SPINK5: variants seen among roughly 807,000 people sequenced by gnomAD.
SPINK5 encodes the protein serine protease inhibitor Kazal-type 5.
A neutral mutation model predicts 151.8 loss-of-function variants in SPINK5; 125 were observed. The observed-to-expected ratio is 0.82, with a 90% CI of 0.71 to 0.96. SPINK5 has a LOEUF of 0.96. Among genes scored for constraint, SPINK5 ranks in the 40% least tolerant of loss-of-function variants. SPINK5 has a pLI of 0.00. For missense variants in SPINK5, 1,194 were observed against 1,291.9 expected (o/e 0.92, Z 1.16); for synonymous variants, 374 against 395.3 (o/e 0.95, Z 0.64).
At chr5:148,088,939 C>T (rs566937474) in intron 6 of SPINK5, 1 of 479,160 alleles carries the variant, frequency 2.1e-6, no homozygotes, top group African/African-American at 2.0e-5. Context: ...AGCAGTGTCA[C>T]TTGCTGTTTG....
Position 148,137,198 on chromosome 5 carries a change from T to C in SPINK5, c.*207T>C, listed in dbSNP as rs1170717924. On this transcript the variant is annotated 3_prime_UTR_variant, in exon 33 of 33. Transcript: ENST00000256084. ...TCTGTGATCTGAGGGTATAAAGACA[T>C]CTCCACCAAGTCTGAGCCCTCAAAA... 1 of 657,520 alleles carries C rather than the reference T, an allele frequency of 1.5e-6. No individual in the cohort carries two copies. The highest frequency in any genetic ancestry group is 2.6e-6 in the Non-Finnish European group (1 of 379,880). The allele number at this position is 657,520 out of a possible 1,614,324, so 40.7% of individuals were successfully genotyped here.
In SPINK5 at chr5:148,086,436, G is replaced by A. The variant is rs1204232528; in HGVS notation, c.314G>A (p.Arg105Lys). The A allele has an allele frequency of 6.2e-7, 1 of 1,611,642 alleles. No individual in the cohort carries two copies. The highest frequency in any genetic ancestry group is 8.5e-7 in the Non-Finnish European group (1 of 1,178,626). Reference protein sequence around the residue: ...LNCDDFKKGERDGDFICPDYY... With the variant: ...LNCDDFKKGEKDGDFICPDYY... ...TGTGATGATTTTAAAAAAGGAGAAA[G>A]AGATGGGGATTTTATCTGTCCTGAT... The change falls in exon 5 of 33, where the codon AGA becomes AAA. Residue 105 changes from arginine (R) to lysine (K), a missense_variant. Transcript: ENST00000256084.
At chr5:148,066,279 G>C (rs1041746622) in intron 2 of SPINK5, among the ~76,000 whole-genome samples, 2 of 152,030 alleles carry the variant, frequency 1.3e-5, no homozygotes, top group African/African-American at 4.8e-5. Context: ...CTATTTGAAA[G>C]ATAGGATGAC....
Position 148,112,651 on chromosome 5 carries a change from A to G in SPINK5, c.1821-217A>G, listed in dbSNP as rs113717952. ...TCGCGCCACTGCACTCCAGCCTGGC[A>G]ACAGAGTGAGACTCCATCTCAAAAA... On this transcript the variant is annotated intron_variant, in intron 19 of 32. Transcript: ENST00000256084. Among the ~76,000 whole-genome samples the G allele has an allele frequency of 0.15, 22,988 of 151,662 alleles. 2,391 individuals carry two copies. The highest frequency in any genetic ancestry group is 0.32 in the East Asian group (1,636 of 5,118).
At chr5:148,101,969 G>A (rs1161022586) in intron 15 of SPINK5, 61 bp downstream of exon 15, 8 of 1,609,156 alleles carry the variant, frequency 5.0e-6, no homozygotes, top group Non-Finnish European at 6.8e-6. Flanking sequence ...TCCATGGGAA[G>A]TTTTCAAACC....
At chr5:148,109,750 C>T (rs1340095959) in intron 18 of SPINK5, among the ~76,000 whole-genome samples, 1 of 152,040 alleles carries the variant, frequency 6.6e-6, no homozygotes, top group Non-Finnish European at 1.5e-5. Context: ...TACCTTTGCT[C>T]TCTACAATCT....
chr5:148,066,724 G>C (rs977604126), intron 2 of SPINK5, among the ~76,000 whole-genome samples: 1 of 152,096 alleles, frequency 6.6e-6, no homozygotes, highest in Non-Finnish European at 1.5e-5. Context: ...ATATCATTGT[G>C]TATAAAACCA....
chr5:148,131,114 C>T, intron 30 of SPINK5, 145 bp from the exon 31 acceptor site: 1 of 1,173,420 alleles, frequency 8.5e-7, no homozygotes, highest in Non-Finnish European at 1.3e-6. Context: ...GGTGCAAAAT[C>T]AATCTTTGAG....
chr5:148,108,903 T>C lies in SPINK5; in HGVS notation c.1692+66T>C, dbSNP rs1753849665. ...GATCACTCTCCCTAGGGAGGGCTCC[T>C]ATTCCCTCCTCCTCATTCCAGTATT... is the stretch of plus-strand genomic sequence containing the variant. On this transcript the variant is annotated intron_variant, in intron 18 of 32. Coordinates refer to ENST00000256084, the MANE Select transcript of SPINK5 (RefSeq NM_006846.4). 3 of 1,599,298 alleles carry C rather than the reference T, an allele frequency of 1.9e-6. No individual in the cohort carries two copies. The Middle Eastern group carries it at 5.0e-4, about 268-fold the overall frequency.
intron 26 of SPINK5, among the ~76,000 whole-genome samples, chr5:148,122,501 C>T (rs542005999): frequency 2.6e-5 from 4 of 152,136 alleles, no homozygotes; most frequent in African/African-American, 9.7e-5. Flanking sequence ...TTTGGGCTTA[C>T]AGGAAGTTCC....
At chr5:148,074,281 C>CTA (rs1284879593) in intron 4 of SPINK5, among the ~76,000 whole-genome samples, 3 of 151,760 alleles carry the variant, frequency 2.0e-5, no homozygotes, top group African/African-American at 7.2e-5. Context: ...TTTCCCGACT[C>CTA]TAGTATTCCC....
chr5:148,071,425 G>C (rs1752734634), intron 3 of SPINK5, among the ~76,000 whole-genome samples: 1 of 152,004 alleles, frequency 6.6e-6, no homozygotes, highest in Non-Finnish European at 1.5e-5. Context: ...GGGAGGCCTA[G>C]GGCAGGTTGA....
chr5:148,078,581 A>G (rs1034680268), intron 4 of SPINK5, among the ~76,000 whole-genome samples: 2 of 149,638 alleles, frequency 1.3e-5, no homozygotes, highest in African/African-American at 4.9e-5. Context: ...CATATATAGT[A>G]TTTTTTTTTA....
intron 2 of SPINK5, among the ~76,000 whole-genome samples, chr5:148,067,658 CT>C (rs1752620815): frequency 6.6e-6 from 1 of 152,068 alleles, no homozygotes; most frequent in South Asian, 2.1e-4. Flanking sequence ...ATTTCTTAAC[CT>C]ATTATTTGGG....
intron 26 of SPINK5, among the ~76,000 whole-genome samples, chr5:148,121,809 TA>T (rs33932658): frequency 0.22 from 32,701 of 147,930 alleles, 4,579 homozygotes; most frequent in East Asian, 0.45. Context: ...TAATAATAAT[TA>T]AAAAAAAAAT....
intron 4 of SPINK5, among the ~76,000 whole-genome samples, chr5:148,080,065 C>T (rs758272569): frequency 6.6e-6 from 1 of 151,066 alleles, no homozygotes; most frequent in East Asian, 2.0e-4. Flanking sequence ...AGTAAGATTT[C>T]GGTGTGCAAG....
At chr5:148,089,060 G>A (rs1368643763) in intron 6 of SPINK5, 2 of 461,014 alleles carry the variant, frequency 4.3e-6, no homozygotes, top group South Asian at 1.5e-5. Context: ...AAGGAAGAAA[G>A]GATCTCATAC....
At chr5:148,090,760 C>T (rs562618204) in intron 7 of SPINK5, 5 of 192,494 alleles carry the variant, frequency 2.6e-5, no homozygotes, top group Middle Eastern at 2.3e-3. Flanking sequence ...AGTTTGGTTT[C>T]ACCCTTGTCA....
At chr5:148,124,933 T>G in intron 28 of SPINK5, 96 bp downstream of exon 28, 3 of 1,321,842 alleles carry the variant, frequency 2.3e-6, no homozygotes, top group Non-Finnish European at 2.9e-6. Flanking sequence ...TATATTAATA[T>G]CTTAACTTCA....
Sources: gnomAD v4.1 joint callset for allele counts (sites outside exome capture counted in the v4.1 genomes callset) on GRCh38, gnomAD v4.1.1 for gene constraint, MANE v1.5 for transcripts, NCBI Gene and HGNC (gene_info 2026-07-23, HGNC 2026-07-21) for gene names.